FRAS1: variants seen among roughly 807,000 people sequenced by gnomAD.
The protein encoded by FRAS1 is Fraser extracellular matrix complex subunit 1.
Under a neutral mutation model 435.2 loss-of-function variants are expected in FRAS1, and 290 were observed. That is an observed-to-expected ratio of 0.67 (90% CI 0.61 to 0.73). FRAS1 has a LOEUF of 0.73. Among genes scored for constraint, FRAS1 ranks in the 30% least tolerant of loss-of-function variants. The probability of loss-of-function intolerance (pLI) is 0.00; values close to 1 mark genes in which losing one functional copy is unlikely to be tolerated. For missense variants in FRAS1, 4,860 were observed against 5,001.5 expected, an observed-to-expected ratio of 0.97 and a Z score of 0.85; for synonymous variants, 1,800 against 1,851.0, an observed-to-expected ratio of 0.97 and a Z score of 0.71.
At chr4:78,260,505 G>A (rs1726033512) in intron 6 of FRAS1, among the ~76,000 whole-genome samples, 1 of 151,594 alleles carries the variant, frequency 6.6e-6, no homozygotes, top group South Asian at 2.1e-4. Context: ...CTCTCTGTTT[G>A]TCTGTTGTTG....
chr4:78,405,866 C>T (rs903165037), intron 30 of FRAS1, among the ~76,000 whole-genome samples: 9 of 152,194 alleles, frequency 5.9e-5, no homozygotes, highest in African/African-American at 2.2e-4. Context: ...ATCCATTCTT[C>T]TGTTTGGTCT....
rs188231285 is a variant in FRAS1, at chr4:78,118,841, G to A, written c.108+52825G>A. On this transcript the variant is annotated intron_variant, in intron 2 of 73. Transcript: ENST00000512123. Reference sequence around the variant, plus strand: ...ACTCACTGTCCTGCACCCACTCTCCGACACTCCCCAGTGAGATGCACCCAG... The same window carrying A: ...ACTCACTGTCCTGCACCCACTCTCCAACACTCCCCAGTGAGATGCACCCAG... Among the ~76,000 whole-genome samples the A allele has an allele frequency of 1.5e-4, 23 of 152,174 alleles. 1 individual carries two copies. The highest frequency in any genetic ancestry group is 9.2e-4 in the Admixed American group (14 of 15,282).
chr4:78,240,188 A>G (rs920845304), intron 3 of FRAS1, among the ~76,000 whole-genome samples: 1 of 152,186 alleles, frequency 6.6e-6, no homozygotes, highest in African/African-American at 2.4e-5. Flanking sequence ...TGGAATACTA[A>G]CAAAGGTTTT....
intron 2 of FRAS1, among the ~76,000 whole-genome samples, chr4:78,190,624 C>T (rs1159422724): frequency 6.9e-6 from 1 of 145,794 alleles, no homozygotes; most frequent in Admixed American, 6.8e-5. Flanking sequence ...CCCTTCCCTT[C>T]CCTTCCATTC....
In FRAS1 at chr4:78,526,625, G is replaced by T. The variant is rs746482995; in HGVS notation, c.10893G>T (p.Lys3631Asn). The T allele has an allele frequency of 6.3e-7, 1 of 1,593,592 alleles. No individual in the cohort carries two copies. The highest frequency in any genetic ancestry group is 8.5e-7 in the Non-Finnish European group (1 of 1,170,970). The change falls in exon 70 of 74, where the codon AAG becomes AAT. Residue 3631 changes from lysine (K) to asparagine (N), a missense_variant. Physicochemically the swap from Lys to Asn is moderately conservative, Grantham distance 94 (BLOSUM62 0). Coordinates refer to ENST00000512123, the MANE Select transcript of FRAS1 (RefSeq NM_025074.7). The part of the protein sequence containing the change: ...PTQPWVDPGE[K>N]PLACTAHAPE... ...AGCCATGGGTTGACCCAGGAGAGAA[G>T]CCTTTGGCCTGCACTGCACATGCCC...
At chr4:78,481,767 A>G (rs1720016905) in intron 56 of FRAS1, 37 bp from the exon 57 acceptor site, 1 of 1,612,160 alleles carries the variant, frequency 6.2e-7, no homozygotes, top group South Asian at 1.1e-5. Context: ...TTCTGGCTCA[A>G]AGTTGACCAT....
chr4:78,088,223 A>G (rs1741305267), intron 2 of FRAS1, among the ~76,000 whole-genome samples: 1 of 152,224 alleles, frequency 6.6e-6, no homozygotes, highest in Non-Finnish European at 1.5e-5. Flanking sequence ...CTGGCTAGCC[A>G]TATGTAGAAA....
intron 19 of FRAS1, among the ~76,000 whole-genome samples, chr4:78,334,020 CTCAAGTGA>C (rs1431957590): frequency 6.6e-6 from 1 of 152,196 alleles, no homozygotes; most frequent in Non-Finnish European, 1.5e-5. Context: ...AACTCCTGGG[CTCAAGTGA>C]TCCTCCCACC....
At position 78,429,203 on chromosome 4, in the gene FRAS1, G is replaced by C; in HGVS notation, c.4820G>C (p.Ser1607Thr). 6.2e-7 allele frequency: 1 copy of C among 1,607,384 alleles called. No homozygotes were observed. The highest frequency in any genetic ancestry group is 8.5e-7 in the Non-Finnish European group (1 of 1,177,284). The change falls in exon 36 of 74, where the codon AGC becomes ACC. Residue 1607 changes from serine to threonine, a missense_variant. Coordinates refer to ENST00000512123, the MANE Select transcript of FRAS1 (RefSeq NM_025074.7). ...GTCACAGCTCCACGGCTGGCGGTCA[G>C]CCCAGGAGGCAGCACTTCTGTAGGT... ...FQVTAPRLAV[S>T]PGGSTSVGLQ...
intron 63 of FRAS1, among the ~76,000 whole-genome samples, chr4:78,509,898 C>A (rs1720976830): frequency 1.3e-5 from 2 of 152,194 alleles, no homozygotes; most frequent in African/African-American, 4.8e-5. Context: ...GACCAAATTT[C>A]TCTAGATTTT....
chr4:78,267,001 T>C, intron 8 of FRAS1, 66 bp downstream of exon 8: 1 of 1,155,456 alleles, frequency 8.7e-7, no homozygotes, highest in Non-Finnish European at 1.3e-6. Context: ...ATGCACTTCT[T>C]ATTCCGGTGT....
At chr4:78,305,345 T>TG (rs1279911930) in intron 14 of FRAS1, among the ~76,000 whole-genome samples, 1 of 151,574 alleles carries the variant, frequency 6.6e-6, no homozygotes, top group Non-Finnish European at 1.5e-5. Flanking sequence ...TCTGTTGATT[T>TG]GGGGTGGAGA....
intron 7 of FRAS1, among the ~76,000 whole-genome samples, chr4:78,265,401 A>G (rs1195705397): frequency 6.6e-6 from 1 of 152,182 alleles, no homozygotes. Flanking sequence ...ATTATTGATT[A>G]CCATCAGTTT....
intron 14 of FRAS1, among the ~76,000 whole-genome samples, chr4:78,306,550 C>T (rs1425657455): frequency 1.8e-5 from 2 of 113,238 alleles, no homozygotes; most frequent in Non-Finnish European, 3.8e-5. Flanking sequence ...TTCTTGGAGG[C>T]TTTGCTCATT....
intron 14 of FRAS1, among the ~76,000 whole-genome samples, chr4:78,291,291 G>A (rs558048789): frequency 6.6e-6 from 1 of 152,294 alleles, no homozygotes; most frequent in South Asian, 2.1e-4. Flanking sequence ...GGGAGCTGGG[G>A]GTGGCTTCGG....
At chr4:78,333,769 C>A (rs1730039133) in intron 19 of FRAS1, among the ~76,000 whole-genome samples, 1 of 152,078 alleles carries the variant, frequency 6.6e-6, no homozygotes, top group South Asian at 2.1e-4. Flanking sequence ...CTTAGTTCAG[C>A]ATAAGTCTTT....
At chr4:78,145,872 A>T (rs1720398997) in intron 2 of FRAS1, among the ~76,000 whole-genome samples, 1 of 152,110 alleles carries the variant, frequency 6.6e-6, no homozygotes, top group Admixed American at 6.6e-5. Context: ...GTGAGTTCTC[A>T]CGAGGTCTGA....
At chr4:78,370,046 T>A in intron 23 of FRAS1, 62 bp downstream of exon 23, 10 of 1,509,588 alleles carry the variant, frequency 6.6e-6, no homozygotes, top group Non-Finnish European at 9.0e-6. Flanking sequence ...TTACTACTGA[T>A]GTCTAGTTTT....
In FRAS1 at chr4:78,450,195, A is replaced by G. The variant is rs766935345; in HGVS notation, c.6319A>G (p.Ile2107Val). 10 of 1,613,712 alleles carry G rather than the reference A, an allele frequency of 6.2e-6. No individual in the cohort carries two copies. Among genetic ancestry groups the G allele is most frequent in the African/African-American group, 1.3e-5 (1 of 74,906 alleles). The change falls in exon 45 of 74, where the codon ATT becomes GTT. Residue 2107 changes from isoleucine (I) to valine (V), a missense_variant. Physicochemically the swap from Ile to Val is conservative, Grantham distance 29. Transcript: ENST00000512123. ...AGAACAGCACTTGAAAGTGACAGAT[A>G]TTGACTCAGATGACCATCAGGTTAT... ...ITEQHLKVTD[I>V]DSDDHQVMYI...
Sources: gnomAD v4.1 joint callset for allele counts (sites outside exome capture counted in the v4.1 genomes callset) on GRCh38, gnomAD v4.1.1 for gene constraint, MANE v1.5 for transcripts, NCBI Gene and HGNC (gene_info 2026-07-23, HGNC 2026-07-21) for gene names.